Variants in GGCX observed in about 807,000 individuals in gnomAD.
The protein encoded by GGCX is gamma-glutamyl carboxylase.
In GGCX, 63 loss-of-function variants were observed where a neutral mutation model predicts 88.5. That is an observed-to-expected ratio of 0.71 (90% CI 0.58 to 0.88). The LOEUF is 0.88. Ranked by LOEUF, GGCX falls within the 40% of genes least tolerant of loss-of-function variation. The pLI, the probability that GGCX is intolerant of heterozygous loss-of-function variation, is 0.00. For missense variants in GGCX, 805 were observed against 932.9 expected, an observed-to-expected ratio of 0.86 and a Z score of 1.79; for synonymous variants, 368 against 365.8, an observed-to-expected ratio of 1.01 and a Z score of -0.07.
intron 2 of GGCX, among the ~76,000 whole-genome samples, chr2:85,560,410 A>T (rs1420229665): frequency 1.3e-5 from 2 of 152,100 alleles, no homozygotes; most frequent in Admixed American, 6.6e-5. Context: ...AACATGGTGA[A>T]ACCCCGTCTC....
chr2:85,552,853 C>T, intron 9 of GGCX, 86 bp downstream of exon 9: 2 of 1,469,520 alleles, frequency 1.4e-6, no homozygotes, highest in Non-Finnish European at 1.9e-6. Context: ...ATTTGTTTTG[C>T]TTTATGGTGT....
rs887099699 is a variant in GGCX at position 85,547,799 on chromosome 2, G to C, written c.*2135C>G. 1 of 152,240 alleles carries C rather than the reference G, an allele frequency of 6.6e-6. No homozygotes were observed. The highest frequency in any genetic ancestry group is 6.5e-5 in the Admixed American group (1 of 15,278). The allele number at this position is 152,240 out of a possible 1,614,324, so 9.4% of individuals were successfully genotyped here. ...AACTCCATTTGGCCTCCTCAGTGGT[G>C]GGGGAGGGTGGCAATCTGCTTGACA... On this transcript the variant is annotated 3_prime_UTR_variant, in exon 15 of 15. Coordinates refer to ENST00000233838, the MANE Select transcript of GGCX (RefSeq NM_000821.7).
At position 85,558,043 on chromosome 2, in the gene GGCX, A is replaced by G. The variant is rs77329191; in HGVS notation, c.539+397T>C. On this transcript the variant is annotated intron_variant, in intron 4 of 14. Transcript: ENST00000233838. ...CCTGACATGATCTCTGCCTCACAGC[A>G]ACTTCTACTTTTGGCTCTAACTCTG... Among the ~76,000 whole-genome samples, 1,239 of 152,238 alleles carry G rather than the reference A, an allele frequency of 8.1e-3. 15 individuals are homozygous for G. Among genetic ancestry groups the G allele is most frequent in the African/African-American group, 0.028 (1,172 of 41,542 alleles).
chr2:85,561,286 C>G (rs1162575691), intron 1 of GGCX, 100 bp downstream of exon 1: 2 of 662,718 alleles, frequency 3.0e-6, no homozygotes, highest in Admixed American at 2.7e-5. Flanking sequence ...AGGACCCCCC[C>G]CCCGCCTCAC....
At position 85,550,067 on chromosome 2, in the gene GGCX, T is replaced by A. The variant is rs1439196456; in HGVS notation, c.2144A>T (p.Gln715Leu). 6.2e-7 allele frequency: 1 copy of A among 1,613,416 alleles called. No homozygotes were observed. Among genetic ancestry groups the A allele is most frequent in the Non-Finnish European group, 8.5e-7 (1 of 1,179,366 alleles). The change falls in exon 15 of 15, where the codon CAG becomes CTG. Residue 715 changes from glutamine (Q) to leucine (L), a missense_variant. Around this residue, in one of 3 missense-constraint regions of GGCX, gnomAD observed 680 missense variants for 763.7 expected, o/e 0.89. Transcript: ENST00000233838. Reference sequence around the variant, plus strand: ...TGCATAAGTCACCTCCTGGGCCAGCTGCTCCAGGGAAGGACGGCCTAATAT... The same window carrying A: ...TGCATAAGTCACCTCCTGGGCCAGCAGCTCCAGGGAAGGACGGCCTAATAT... ...NLILGRPSLEQLAQEVTYANL... is the reference protein window; with the variant it reads ...NLILGRPSLELLAQEVTYANL...
intron 2 of GGCX, among the ~76,000 whole-genome samples, chr2:85,560,281 C>T (rs376007554): frequency 1.6e-4 from 24 of 152,224 alleles, no homozygotes; most frequent in African/African-American, 5.8e-4. Flanking sequence ...GCTGCCTCGC[C>T]TCTACATATC....
intron 4 of GGCX, 102 bp downstream of exon 4, chr2:85,558,338 T>C (rs1316933414): frequency 9.9e-7 from 1 of 1,011,676 alleles, no homozygotes; most frequent in African/African-American, 1.6e-5. Flanking sequence ...TAACCATACT[T>C]TGCAAACATG....
chr2:85,549,652 C>A lies in GGCX; in HGVS notation c.*282G>T. ...CTGGGATTACAGGCGTGAGCCACGG[C>A]ACCCAGCCCCCAAAAAGCCACTTTA... is the stretch of plus-strand genomic sequence containing the variant. On this transcript the variant is annotated 3_prime_UTR_variant, in exon 15 of 15. Coordinates refer to ENST00000233838, the MANE Select transcript of GGCX (RefSeq NM_000821.7). The A allele has an allele frequency of 2.4e-6, 1 of 409,876 alleles. No individual in the cohort carries two copies. The highest frequency in any genetic ancestry group is 2.2e-5 in the South Asian group (1 of 45,316). 25.4% of individuals were successfully genotyped at this position (409,876 alleles called of 1,614,324 possible). A position where few individuals can be genotyped will look rare whatever the true frequency, so the allele number is the denominator to read the frequency against.
At chr2:85,561,342 C>A (rs1355453546) in intron 1 of GGCX, 44 bp downstream of exon 1, 1 of 1,364,936 alleles carries the variant, frequency 7.3e-7, no homozygotes, top group Non-Finnish European at 1.0e-6. Context: ...CTGAGACCAG[C>A]GCTCCTAGGA....
rs370517365 is a variant in GGCX, at chr2:85,552,977, C to T, written c.1249G>A (p.Asp417Asn). ...SHQHVKITYR[D>N]GRTGELGYLN... is the part of the protein sequence containing the mutation. ...TAGCCCAGTTCGCCAGTGCGGCCAT[C>T]ACGGTAGGTGATCTTCACGTGCTGG... Residue 417 changes from aspartate (D) to asparagine (N), a missense_variant, in exon 9 of 15, where the codon GAT (aspartate) becomes AAT (asparagine). Physicochemically the swap from Asp to Asn is conservative, Grantham distance 23. This residue lies in a region of GGCX where 680 missense variants were observed against 763.7 expected (regional missense o/e 0.89). Transcript: ENST00000233838. The T allele has an allele frequency of 8.0e-5, 129 of 1,614,106 alleles. No homozygotes were observed. Among genetic ancestry groups the T allele is most frequent in the Non-Finnish European group, 9.7e-5 (114 of 1,180,014 alleles).
At position 85,545,164 on chromosome 2, in the gene GGCX, T is replaced by C. The variant is rs1335176210; in HGVS notation, c.*4770A>G. On this transcript the variant is annotated 3_prime_UTR_variant, in exon 15 of 15. Transcript: ENST00000233838. ...GTTTACATGCTTATTCCATGACTGC[T>C]TGCCCTAAGCAGAAAGTGCCTTTCA... is the stretch of plus-strand genomic sequence containing the variant. 6.6e-6 allele frequency: 1 copy of C among 152,630 alleles called. No individual in the cohort carries two copies. The highest frequency in any genetic ancestry group is 1.5e-5 in the Non-Finnish European group (1 of 68,038). The allele number at this position is 152,630 out of a possible 1,614,324, so 9.5% of individuals were successfully genotyped here.
intron 7 of GGCX, chr2:85,553,927 T>C (rs1692091702): frequency 3.4e-6 from 2 of 596,406 alleles, no homozygotes; most frequent in Non-Finnish European, 6.1e-6. Flanking sequence ...CTGTAAGATA[T>C]TTGTTCTTCC....
Position 85,558,502 on chromosome 2 carries a change from G to A in GGCX, c.477C>T (p.Asn159=), listed in dbSNP as rs376855367. The change falls in exon 4 of 15, where the codon AAC becomes AAT. Residue 159 remains asparagine, a synonymous_variant. Coordinates refer to ENST00000233838, the MANE Select transcript of GGCX (RefSeq NM_000821.7). ...CCAACAACCCATACAGATAGGAGTG[G>A]TTGTTCCATGATGTCTTGTCCAGGA... ...VFLLDKTSWN[N]HSYLYGLLAF... 18 of 1,613,710 alleles carry A rather than the reference G, an allele frequency of 1.1e-5. No individual in the cohort carries two copies. Among genetic ancestry groups the A allele is most frequent in the Non-Finnish European group, 1.5e-5 (18 of 1,179,628 alleles).
intron 2 of GGCX, among the ~76,000 whole-genome samples, chr2:85,560,436 T>C (rs1692383347): frequency 1.3e-5 from 2 of 150,770 alleles, no homozygotes; most frequent in Admixed American, 1.3e-4. Flanking sequence ...AAAACACACA[T>C]ACAAAAAAAA....
chr2:85,555,278 A>G, intron 6 of GGCX: 4 of 514,724 alleles, frequency 7.8e-6, no homozygotes, highest in Admixed American at 6.4e-5. Context: ...TTTCTTGCCT[A>G]TCTATACCAT....
In GGCX at chr2:85,550,631, C is replaced by T; in HGVS notation, c.2008G>A (p.Glu670Lys). The T allele has an allele frequency of 6.2e-7, 1 of 1,614,032 alleles. No individual in the cohort carries two copies. The highest frequency in any genetic ancestry group is 8.5e-7 in the Non-Finnish European group (1 of 1,179,870). The change falls in exon 14 of 15, where the codon GAA becomes AAA. Residue 670 changes from glutamate to lysine, a missense_variant. Around this residue, in one of 3 missense-constraint regions of GGCX, gnomAD observed 680 missense variants for 763.7 expected, o/e 0.89. Transcript: ENST00000233838. ...TGGAAAGGAGTATTTCGCCGGCGTTCAATCTCCTGGAGCCTTTGTTGGCGT... is the reference window on the plus strand; with the variant it reads ...TGGAAAGGAGTATTTCGCCGGCGTTTAATCTCCTGGAGCCTTTGTTGGCGT... ...LRRQQRLQEI[E>K]RRRNTPFHER...
chr2:85,561,297 CG>C, intron 1 of GGCX, 88 bp downstream of exon 1: 1 of 753,606 alleles, frequency 1.3e-6, no homozygotes. Flanking sequence ...CCCGCCTCAC[CG>C]GGAGACACTG....
chr2:85,546,274 A>T lies in GGCX; in HGVS notation c.*3660T>A, dbSNP rs1217637020. The stretch of plus-strand genomic sequence containing the variant: ...ACAGTGAAACCCTGTCTCTACTAAA[A>T]ATATAAAAAAGTTAGCCAGGCACCT... On this transcript the variant is annotated 3_prime_UTR_variant, in exon 15 of 15. Coordinates refer to ENST00000233838, the MANE Select transcript of GGCX (RefSeq NM_000821.7). The T allele has an allele frequency of 6.6e-6, 1 of 152,180 alleles. No individual in the cohort carries two copies. The highest frequency in any genetic ancestry group is 1.5e-5 in the Non-Finnish European group (1 of 68,052). The allele number at this position is 152,180 out of a possible 1,614,324, so 9.4% of individuals were successfully genotyped here.
At chr2:85,552,076 G>A in intron 10 of GGCX, 95 bp from the exon 11 acceptor site, 1 of 957,826 alleles carries the variant, frequency 1.0e-6, no homozygotes, top group Admixed American at 1.9e-5. Context: ...TAAGGACAGG[G>A]AATAGAAGAA....
Sources: gnomAD v4.1 joint callset for allele counts (sites outside exome capture counted in the v4.1 genomes callset) on GRCh38, gnomAD v4.1.1 for gene constraint, gnomAD v4.1.1 regional missense constraint, MANE v1.5 for transcripts, NCBI Gene and HGNC (gene_info 2026-07-23, HGNC 2026-07-21) for gene names.